The following FSD1 variants were observed in gnomAD, a reference collection of about 807,000 sequenced individuals.
The protein encoded by FSD1 is fibronectin type III and SPRY domain-containing protein 1.
In FSD1, 23 loss-of-function variants were observed where a neutral mutation model predicts 58.2. The ratio of observed to expected loss-of-function variants is 0.40; its 90% confidence interval spans 0.28 to 0.56. The LOEUF is 0.56. FSD1 is among the 20% of genes least tolerant of loss of function. The pLI is 0.54. For missense variants in FSD1, 563 were observed against 670.8 expected (o/e 0.84, Z 1.78); for synonymous variants, 265 against 263.4 (o/e 1.01, Z -0.06).
intron 7 of FSD1, among the ~76,000 whole-genome samples, chr19:4,315,237 T>A (rs1971740422): frequency 6.6e-6 from 1 of 151,864 alleles, no homozygotes. Flanking sequence ...GCGATTCTCC[T>A]GCCTCAACCT....
chr19:4,313,377 A>AT (rs1288494039), intron 7 of FSD1, among the ~76,000 whole-genome samples: 1 of 151,084 alleles, frequency 6.6e-6, no homozygotes, highest in African/African-American at 2.4e-5. Context: ...AAAAAAAAAA[A>AT]CAAAACCCAA....
Position 4,306,253 on chromosome 19 carries a change from C to T in FSD1, c.167C>T (p.Ser56Phe), listed in dbSNP as rs772916715. ...DLEAEFQSLFSLLEELKEGML... is the reference protein window; with the variant it reads ...DLEAEFQSLFFLLEELKEGML... ...GAAGCAGAGTTCCAGTCCCTCTTCT[C>T]CCTCCTGGAGGAGCTGAAAGAAGGC... is the stretch of plus-strand genomic sequence containing the variant. Residue 56 changes from serine (S) to phenylalanine (F), a missense_variant, in exon 3 of 13, where the codon TCC becomes TTC. Physicochemically the swap from Ser to Phe is radical, Grantham distance 155. Transcript: ENST00000221856. 13 of 1,614,032 alleles carry T rather than the reference C, an allele frequency of 8.1e-6. No homozygotes were observed. The South Asian group carries it at 1.1e-4, about 14-fold the overall frequency.
At chr19:4,309,874 A>T (rs866209480) in intron 4 of FSD1, among the ~76,000 whole-genome samples, 1 of 148,690 alleles carries the variant, frequency 6.7e-6, no homozygotes, top group Non-Finnish European at 1.5e-5. Context: ...GTGCCACTGC[A>T]CTCCAGCCTG....
intron 2 of FSD1, 33 bp from the exon 3 acceptor site, chr19:4,306,165 G>A (rs887597557): frequency 1.2e-5 from 19 of 1,613,620 alleles, no homozygotes; most frequent in African/African-American, 2.7e-5. Flanking sequence ...CTCTGAACAC[G>A]GGCTTTGGCC....
intron 8 of FSD1, among the ~76,000 whole-genome samples, chr19:4,317,958 A>C (rs1971772660): frequency 6.6e-6 from 1 of 152,308 alleles, no homozygotes; most frequent in South Asian, 2.1e-4. Flanking sequence ...CGGAGGTTGC[A>C]ATGAGCCGAG....
chr19:4,311,537 G>T (rs530342504), intron 6 of FSD1: 3 of 301,902 alleles, frequency 9.9e-6, no homozygotes, highest in Non-Finnish European at 1.9e-5. Flanking sequence ...TAAAAAATTA[G>T]CCGGGCCATG....
chr19:4,314,294 A>C (rs964327073), intron 7 of FSD1, among the ~76,000 whole-genome samples: 1 of 152,164 alleles, frequency 6.6e-6, no homozygotes, highest in African/African-American at 2.4e-5. Flanking sequence ...TATTTGTTGT[A>C]AATAGGATTC....
At chr19:4,321,817 C>T (rs948248820) in intron 10 of FSD1, among the ~76,000 whole-genome samples, 7 of 148,672 alleles carry the variant, frequency 4.7e-5, no homozygotes, top group Non-Finnish European at 6.0e-5. Context: ...ACTTGGATCC[C>T]GAGGAGTATC....
At chr19:4,306,616 C>T (rs897284294) in intron 3 of FSD1, among the ~76,000 whole-genome samples, 9 of 151,896 alleles carry the variant, frequency 5.9e-5, no homozygotes, top group Non-Finnish European at 1.2e-4. Context: ...TACAGGTACC[C>T]GCCATCATGC....
intron 1 of FSD1, among the ~76,000 whole-genome samples, 174 bp downstream of exon 1, chr19:4,304,935 A>G (rs1306685370): frequency 9.4e-6 from 1 of 106,788 alleles, no homozygotes; most frequent in African/African-American, 3.6e-5. Flanking sequence ...CCAGTTTGGG[A>G]CGCAGCCCCC....
In FSD1 at chr19:4,310,500, C is replaced by T. The variant is rs1212414054; in HGVS notation, c.394C>T (p.Leu132=). ...DGVTMAPAFR[L]SLKAKVSDNM... is the part of the protein sequence containing the mutation. ...AGTGACCATGGCCCCTGCCTTCCGG[C>T]TATCATTGAAAGCGAAGGTCAGTGA... Residue 132 remains leucine, a synonymous_variant, in exon 6 of 13, where the codon CTA becomes TTA. Coordinates refer to ENST00000221856, the MANE Select transcript of FSD1 (RefSeq NM_024333.3). 1.9e-6 allele frequency: 3 copies of T among 1,613,244 alleles called. No individual in the cohort carries two copies. The highest frequency in any genetic ancestry group is 2.5e-6 in the Non-Finnish European group (3 of 1,179,396).
At position 4,323,750 on chromosome 19, in the gene FSD1, C is replaced by G; in HGVS notation, c.*107C>G. On this transcript the variant is annotated 3_prime_UTR_variant, in exon 13 of 13. Transcript: ENST00000221856. This position sits in a 1 kb window ranked among gnomAD's most constrained non-coding sequence, Gnocchi z 7.7. ...TGTCACTTGCTGCTTGGAGCCTTAA[C>G]TCCAGATGGGGGGGTCACCAAGAGG... is the stretch of plus-strand genomic sequence containing the variant. 1 of 767,608 alleles carries G rather than the reference C, an allele frequency of 1.3e-6. No homozygotes were observed. The highest frequency in any genetic ancestry group is 1.7e-5 in the African/African-American group (1 of 57,448). 47.5% of individuals were successfully genotyped at this position (767,608 alleles called of 1,614,324 possible).
intron 4 of FSD1, among the ~76,000 whole-genome samples, chr19:4,309,649 C>T (rs1029180986): frequency 8.5e-5 from 13 of 152,180 alleles, no homozygotes; most frequent in Non-Finnish European, 1.5e-4. Context: ...GTGGCTCACG[C>T]CTGTAATCCC....
chr19:4,318,839 C>A, intron 9 of FSD1, 33 bp from the exon 10 acceptor site: 3 of 1,566,804 alleles, frequency 1.9e-6, no homozygotes, highest in Middle Eastern at 1.7e-4. Context: ...TGAACTGAGC[C>A]TCCTGAGCCT....
chr19:4,321,214 G>T (rs1313223042), intron 10 of FSD1, among the ~76,000 whole-genome samples: 5 of 139,148 alleles, frequency 3.6e-5, no homozygotes, highest in African/African-American at 1.4e-4. Flanking sequence ...AGCCTGAGGA[G>T]TATCTGGGGG....
In FSD1 at chr19:4,306,041, G is replaced by T; in HGVS notation, c.111G>T (p.Glu37Asp). Residue 37 changes from glutamate (E) to aspartate (D), a missense_variant and splice_region_variant, in exon 2 of 13, where the codon GAG becomes GAT. Transcript: ENST00000221856. ...YSLKQMLLNV[E>D]ANSAKVQEDL... ...TGAAACAGATGCTGCTGAACGTGGA[G>T]GTGAAGGCGGTGGGGCAGTCCTGGG... The T allele has an allele frequency of 6.2e-7, 1 of 1,613,532 alleles. No homozygotes were observed. Among genetic ancestry groups the T allele is most frequent in the Non-Finnish European group, 8.5e-7 (1 of 1,179,446 alleles).
In FSD1 at chr19:4,307,870, T is replaced by C. The variant is rs759974089; in HGVS notation, c.244-12T>C. On this transcript the variant is annotated splice_polypyrimidine_tract_variant and intron_variant, in intron 3 of 12. Coordinates refer to ENST00000221856, the MANE Select transcript of FSD1 (RefSeq NM_024333.3). The stretch of plus-strand genomic sequence containing the variant: ...GTGAGTTGTCCCCTCCTTTGGTGCC[T>C]GGTATCCACAGAACCAGCTGGCTGC... 2.5e-6 allele frequency: 4 copies of C among 1,608,666 alleles called. No homozygotes were observed. Among genetic ancestry groups the C allele is most frequent in the Non-Finnish European group, 3.4e-6 (4 of 1,176,944 alleles).
chr19:4,322,085 G>A (rs1259394230), intron 10 of FSD1, among the ~76,000 whole-genome samples: 5 of 137,102 alleles, frequency 3.6e-5, no homozygotes, highest in East Asian at 2.2e-4. Flanking sequence ...AAGGATTATC[G>A]GGGGGAATAG....
chr19:4,318,635 A>G, intron 9 of FSD1, 130 bp downstream of exon 9: 1 of 878,074 alleles, frequency 1.1e-6, no homozygotes, highest in Non-Finnish European at 1.7e-6. Context: ...AGAGGGAATG[A>G]AGGGAGAGGA....
Sources: allele counts gnomAD v4.1 joint callset (sites outside exome capture counted in the v4.1 genomes callset), GRCh38; gene constraint gnomAD v4.1.1; non-coding constraint Gnocchi (gnomAD v3.1); transcripts MANE v1.5; gene names NCBI Gene and HGNC (gene_info 2026-07-23, HGNC 2026-07-21).